The following KIAA1549 variants were observed in gnomAD, a reference collection of about 807,000 sequenced individuals.
The protein encoded by KIAA1549 is KIAA1549.
KIAA1549 carries 70 observed loss-of-function variants against 156.4 expected under a neutral mutation model. That is an observed-to-expected ratio of 0.45 (90% confidence interval 0.37 to 0.55). KIAA1549 has a LOEUF of 0.55. Ranked by LOEUF, KIAA1549 falls within the 20% of genes least tolerant of loss-of-function variation. KIAA1549 has a pLI of 0.00. For missense variants in KIAA1549, 2,428 were observed against 2,540.9 expected (o/e 0.96, Z 0.96); for synonymous variants, 1,103 against 1,066.4 (o/e 1.03, Z -0.67).
chr7:138,857,350 G>A (rs1810423292), intron 16 of KIAA1549, among the ~76,000 whole-genome samples: 1 of 152,160 alleles, frequency 6.6e-6, no homozygotes, highest in African/African-American at 2.4e-5. Flanking sequence ...ATTCGTAAAT[G>A]GAGTGCTATT....
chr7:138,967,734 A>G (rs544234375), intron 1 of KIAA1549, among the ~76,000 whole-genome samples: 1 of 152,092 alleles, frequency 6.6e-6, no homozygotes, highest in Non-Finnish European at 1.5e-5. Context: ...TGCTGAGGTG[A>G]GGTAAGGTGA....
chr7:138,899,070 C>A lies in KIAA1549; in HGVS notation c.3732G>T (p.Glu1244Asp). 6.2e-7 allele frequency: 1 copy of A among 1,613,808 alleles called. No individual in the cohort carries two copies. The highest frequency in any genetic ancestry group is 8.5e-7 in the Non-Finnish European group (1 of 1,179,748). The change falls in exon 9 of 20, where the codon GAG (glutamate) becomes GAT (aspartate). Residue 1244 changes from glutamate to aspartate, a missense_variant. Transcript: ENST00000422774. ...CACTGAGTCTTTCTCCATCTTGATC[C>A]TCCACAAAGTAGATGAGCTGTACCG... ...DNPVQLIYFV[E>D]DQDGERLSAV...
At chr7:138,949,675 T>C (rs1364766342) in intron 1 of KIAA1549, among the ~76,000 whole-genome samples, 1 of 120,332 alleles carries the variant, frequency 8.3e-6, no homozygotes, top group Non-Finnish European at 1.6e-5. Flanking sequence ...TACCAGGAAA[T>C]GTTTGCCTCA....
At chr7:138,905,622 C>T (rs1056854610) in intron 6 of KIAA1549, among the ~76,000 whole-genome samples, 1 of 152,122 alleles carries the variant, frequency 6.6e-6, no homozygotes, top group African/African-American at 2.4e-5. Context: ...CACTAAAATA[C>T]ACTACGAATC....
chr7:138,890,239 T>C (rs1467860392), intron 10 of KIAA1549, among the ~76,000 whole-genome samples: 1 of 152,136 alleles, frequency 6.6e-6, no homozygotes, highest in Non-Finnish European at 1.5e-5. Flanking sequence ...ACGTGGGCCA[T>C]AAATACAGTA....
At chr7:138,932,962 T>C (rs377164353) in intron 1 of KIAA1549, among the ~76,000 whole-genome samples, 2 of 151,972 alleles carry the variant, frequency 1.3e-5, no homozygotes, top group East Asian at 3.9e-4. Context: ...CAGGGAGACA[T>C]GGGAAAACCA....
chr7:138,850,232 T>C, intron 17 of KIAA1549, among the ~76,000 whole-genome samples: 1 of 152,212 alleles, frequency 6.6e-6, no homozygotes, highest in East Asian at 1.9e-4. Context: ...TGCTGTTTTC[T>C]GACACCAGTT....
chr7:138,869,701 G>A lies in KIAA1549; in HGVS notation c.4612C>T (p.Arg1538Cys), dbSNP rs756205898. ...TCGTAGTGCCCGCGGCGCTTGGCGCGCAGGCGGATCTTGTTGCGATGGTGC... is the reference window on the plus strand; with the variant it reads ...TCGTAGTGCCCGCGGCGCTTGGCGCACAGGCGGATCTTGTTGCGATGGTGC... Reference protein sequence around the residue: ...IEHHRNKIRLRAKRRGHYEFP... With the variant: ...IEHHRNKIRLCAKRRGHYEFP... Residue 1538 changes from arginine (R) to cysteine (C), a missense_variant, in exon 14 of 20, where the codon CGC becomes TGC. Physicochemically the swap from Arg to Cys is radical, Grantham distance 180. Coordinates refer to ENST00000422774, the MANE Select transcript of KIAA1549 (RefSeq NM_001164665.2). 5.0e-6 allele frequency: 8 copies of A among 1,612,074 alleles called. No homozygotes were observed. Among genetic ancestry groups the A allele is most frequent in the Non-Finnish European group, 5.1e-6 (6 of 1,179,856 alleles).
chr7:138,899,345 T>C (rs1297562262), intron 8 of KIAA1549, among the ~76,000 whole-genome samples: 1 of 152,128 alleles, frequency 6.6e-6, no homozygotes, highest in African/African-American at 2.4e-5. Context: ...AACAGGTTGC[T>C]TCATCTCGCT....
At chr7:138,949,993 AG>A (rs1387803837) in intron 1 of KIAA1549, among the ~76,000 whole-genome samples, 1 of 152,262 alleles carries the variant, frequency 6.6e-6, no homozygotes, top group African/African-American at 2.4e-5. Context: ...AGATCTGCAC[AG>A]GAACAAGTTA....
At chr7:138,845,855 A>T (rs1810058492) in intron 17 of KIAA1549, among the ~76,000 whole-genome samples, 1 of 152,172 alleles carries the variant, frequency 6.6e-6, no homozygotes, top group Admixed American at 6.5e-5. Flanking sequence ...TTGAAGTGAC[A>T]GGCTCACTTC....
rs77489800 is a variant in KIAA1549 at position 138,861,023 on chromosome 7, G to C, written c.5247+116C>G. On this transcript the variant is annotated intron_variant, in intron 16 of 19. Coordinates refer to ENST00000422774, the MANE Select transcript of KIAA1549 (RefSeq NM_001164665.2). ...ATAAAAACTAAGACCCATCACCCGA[G>C]TTTTAATTCTTATCAAATGCAACCA... 3.4e-4 allele frequency: 338 copies of C among 985,546 alleles called. 1 individual carries two copies. In the African/African-American group the frequency reaches 5.1e-3, roughly 15 times the overall value. 61.1% of individuals were successfully genotyped at this position (985,546 alleles called of 1,614,324 possible).
intron 1 of KIAA1549, among the ~76,000 whole-genome samples, chr7:138,960,607 G>T (rs1813814580): frequency 2.0e-5 from 3 of 152,090 alleles, no homozygotes; most frequent in Middle Eastern, 3.2e-3. Flanking sequence ...ACTGTGACCA[G>T]CCACAAAAAT....
chr7:138,907,341 A>T (rs1812036875), intron 5 of KIAA1549, among the ~76,000 whole-genome samples: 1 of 152,184 alleles, frequency 6.6e-6, no homozygotes, highest in Non-Finnish European at 1.5e-5. Context: ...TCCCACCCCA[A>T]ATGCCACTGA....
intron 10 of KIAA1549, among the ~76,000 whole-genome samples, chr7:138,886,128 G>A (rs974062303): frequency 3.3e-5 from 5 of 152,182 alleles, no homozygotes; most frequent in African/African-American, 9.7e-5. Context: ...CCCCTACAGA[G>A]TCCTGTCAGT....
At chr7:138,888,360 G>T (rs953180483) in intron 10 of KIAA1549, among the ~76,000 whole-genome samples, 1 of 152,162 alleles carries the variant, frequency 6.6e-6, no homozygotes, top group African/African-American at 2.4e-5. Context: ...GGATACTTTC[G>T]TTCACTTCTT....
In KIAA1549 at chr7:138,833,537, C is replaced by G. The variant is rs1296407463; in HGVS notation, c.*4369G>C. 4.3e-6 allele frequency: 1 copy of G among 232,586 alleles called. No individual in the cohort carries two copies. Among genetic ancestry groups the G allele is most frequent in the African/African-American group, 2.2e-5 (1 of 45,308 alleles). The allele number at this position is 232,586 out of a possible 1,614,324, so 14.4% of individuals were successfully genotyped here. A position where few individuals can be genotyped will look rare whatever the true frequency, so the allele number is the denominator to read the frequency against. On this transcript the variant is annotated 3_prime_UTR_variant, in exon 20 of 20. Coordinates refer to ENST00000422774, the MANE Select transcript of KIAA1549 (RefSeq NM_001164665.2). ...TCACAGTCCGCATGCCAGGAAAGAT[C>G]TGGCCGGCAAACACCCACTGCTTAA...
intron 13 of KIAA1549, among the ~76,000 whole-genome samples, chr7:138,870,289 C>A (rs944047373): frequency 6.6e-6 from 1 of 151,862 alleles, no homozygotes; most frequent in Non-Finnish European, 1.5e-5. Context: ...TGCCATCCCA[C>A]GAGCTTTACC....
intron 9 of KIAA1549, among the ~76,000 whole-genome samples, chr7:138,897,820 G>A (rs996973719): frequency 3.6e-5 from 5 of 138,254 alleles, no homozygotes; most frequent in African/African-American, 1.4e-4. Flanking sequence ...CTGAGCCCAG[G>A]AGTTTGAGGC....
Sources: allele counts gnomAD v4.1 joint callset (sites outside exome capture counted in the v4.1 genomes callset), GRCh38; gene constraint gnomAD v4.1.1; transcripts MANE v1.5; gene names NCBI Gene and HGNC (gene_info 2026-07-23, HGNC 2026-07-21).